Variants in OPCML observed in about 807,000 individuals in gnomAD.
OPCML encodes opioid-binding protein/cell adhesion molecule.
In OPCML, 13 loss-of-function variants were observed where a neutral mutation model predicts 37.8. The observed-to-expected ratio is 0.34, with a 90% confidence interval of 0.22 to 0.55. OPCML has a LOEUF of 0.55. OPCML is among the 20% of genes least tolerant of loss of function. The pLI is 0.91. For synonymous variants in OPCML, 176 were observed against 168.8 expected (o/e 1.04, Z -0.33); for missense variants, 341 against 435.6 (o/e 0.78, Z 1.93).
At chr11:132,464,043 G>A (rs1351342371) in intron 4 of OPCML, among the ~76,000 whole-genome samples, 1 of 152,170 alleles carries the variant, frequency 6.6e-6, no homozygotes, top group Non-Finnish European at 1.5e-5. Flanking sequence ...ATGTAACTTA[G>A]CACATAAACA....
chr11:132,993,340 G>A (rs537395083), intron 1 of OPCML, among the ~76,000 whole-genome samples: 41 of 152,176 alleles, frequency 2.7e-4, no homozygotes, highest in African/African-American at 8.4e-4. Flanking sequence ...TTCTGTCCTC[G>A]GGAGCATATT....
chr11:133,014,207 G>C (rs1455889912), intron 1 of OPCML, among the ~76,000 whole-genome samples: 1 of 152,046 alleles, frequency 6.6e-6, no homozygotes, highest in Non-Finnish European at 1.5e-5. Flanking sequence ...AAAACTAACT[G>C]TTCTTGAAGA....
intron 3 of OPCML, among the ~76,000 whole-genome samples, chr11:132,597,016 A>G (rs1455003848): frequency 6.6e-6 from 1 of 152,176 alleles, no homozygotes; most frequent in African/African-American, 2.4e-5. Context: ...TCTCTCATAT[A>G]GAATCTATGT....
intron 1 of OPCML, among the ~76,000 whole-genome samples, chr11:133,315,350 G>A (rs1943180517): frequency 2.0e-5 from 3 of 152,136 alleles, no homozygotes; most frequent in Non-Finnish European, 4.4e-5. Flanking sequence ...TGACCACTGA[G>A]AGGACTCTTT....
At chr11:133,317,413 T>G (rs746463495) in intron 1 of OPCML, among the ~76,000 whole-genome samples, 1 of 152,196 alleles carries the variant, frequency 6.6e-6, no homozygotes, top group Admixed American at 6.5e-5. Context: ...TCCTGATGCA[T>G]AAAATGCACA....
intron 2 of OPCML, among the ~76,000 whole-genome samples, chr11:132,900,908 C>T (rs571231399): frequency 2.0e-5 from 3 of 152,244 alleles, no homozygotes; most frequent in East Asian, 1.9e-4. Context: ...AGTCTATCTC[C>T]GGGGCCGGGT....
intron 3 of OPCML, among the ~76,000 whole-genome samples, chr11:132,576,242 T>C (rs1337574069): frequency 7.1e-6 from 1 of 141,800 alleles, no homozygotes; most frequent in Non-Finnish European, 1.6e-5. Context: ...TGAATAACTT[T>C]CTGGTCCTTT....
At chr11:132,965,636 G>C (rs1174267325) in intron 1 of OPCML, among the ~76,000 whole-genome samples, 1 of 152,054 alleles carries the variant, frequency 6.6e-6, no homozygotes, top group African/African-American at 2.4e-5. Flanking sequence ...GAGTTCAAGC[G>C]ATTCTCCTGC....
At chr11:132,781,095 A>G (rs935019019) in intron 2 of OPCML, among the ~76,000 whole-genome samples, 5 of 152,302 alleles carry the variant, frequency 3.3e-5, no homozygotes, top group Non-Finnish European at 5.9e-5. Flanking sequence ...ATAGGGCCCA[A>G]GAAGGACTGG....
At chr11:132,550,452 C>T (rs1474798193) in intron 3 of OPCML, among the ~76,000 whole-genome samples, 4 of 152,260 alleles carry the variant, frequency 2.6e-5, no homozygotes, top group Non-Finnish European at 5.9e-5. Context: ...GCTCTGGCCA[C>T]GTGAAGTGCT....
intron 1 of OPCML, among the ~76,000 whole-genome samples, chr11:133,458,665 A>G (rs1327567700): frequency 3.7e-5 from 5 of 134,286 alleles, no homozygotes; most frequent in Admixed American, 2.1e-4. Flanking sequence ...GTGTGTGTAT[A>G]TATACACATA....
At chr11:133,101,396 A>C (rs1264512996) in intron 1 of OPCML, among the ~76,000 whole-genome samples, 1 of 152,268 alleles carries the variant, frequency 6.6e-6, no homozygotes, top group African/African-American at 2.4e-5. Flanking sequence ...TGATTAAATA[A>C]AACTATTATC....
At chr11:132,981,904 T>C (rs1037584735) in intron 1 of OPCML, among the ~76,000 whole-genome samples, 1 of 152,164 alleles carries the variant, frequency 6.6e-6, no homozygotes, top group African/African-American at 2.4e-5. Flanking sequence ...ACAATGACCT[T>C]GTAAGGAGAA....
intron 7 of OPCML, among the ~76,000 whole-genome samples, chr11:132,431,898 G>A (rs2095998210): frequency 6.6e-6 from 1 of 152,174 alleles, no homozygotes; most frequent in Admixed American, 6.5e-5. Context: ...GGAGCATACG[G>A]GTTGCAAATC....
intron 3 of OPCML, among the ~76,000 whole-genome samples, chr11:132,589,655 G>T (rs1034144917): frequency 6.6e-6 from 1 of 152,180 alleles, no homozygotes; most frequent in African/African-American, 2.4e-5. Context: ...GGCAAAGGCC[G>T]GGTGTCCTAG....
intron 2 of OPCML, among the ~76,000 whole-genome samples, chr11:132,729,254 T>A (rs1363309635): frequency 6.6e-6 from 1 of 152,180 alleles, no homozygotes; most frequent in East Asian, 1.9e-4. Flanking sequence ...AAAAGCAAGA[T>A]ACATTGTACA....
At chr11:133,262,885 T>C (rs1941537422) in intron 1 of OPCML, among the ~76,000 whole-genome samples, 1 of 151,850 alleles carries the variant, frequency 6.6e-6, no homozygotes, top group African/African-American at 2.4e-5. Flanking sequence ...CTCACTCTAC[T>C]ACCAGTGGGG....
chr11:133,003,496 A>C (rs1366984076), intron 1 of OPCML, among the ~76,000 whole-genome samples: 4 of 152,198 alleles, frequency 2.6e-5, no homozygotes, highest in Non-Finnish European at 5.9e-5. Flanking sequence ...GCCCACTCAG[A>C]TAATCCAGGA....
At chr11:132,561,182 T>A (rs565897016) in intron 3 of OPCML, among the ~76,000 whole-genome samples, 8 of 152,198 alleles carry the variant, frequency 5.3e-5, no homozygotes, top group Non-Finnish European at 1.0e-4. Context: ...TTCCACTTCA[T>A]CTTCACTATG....
Sources: allele counts gnomAD v4.1 joint callset (sites outside exome capture counted in the v4.1 genomes callset), GRCh38; gene constraint gnomAD v4.1.1; transcripts MANE v1.5; gene names NCBI Gene and HGNC (gene_info 2026-07-23, HGNC 2026-07-21).